The following RBM23 variants were observed in gnomAD, a reference collection of about 807,000 sequenced individuals.
RBM23 encodes the protein probable RNA-binding protein 23.
A neutral mutation model predicts 56.2 loss-of-function variants in RBM23; 53 were observed. The observed-to-expected ratio is 0.94, with a 90% confidence interval of 0.76 to 1.19. The LOEUF is 1.19. RBM23 is among the 50% of genes most tolerant of loss of function. The pLI is 0.00. For synonymous variants in RBM23, 197 were observed against 198.5 expected (o/e 0.99, Z 0.06); for missense variants, 642 against 590.3 (o/e 1.09, Z -0.91).
At chr14:22,901,909 T>G in intron 12 of RBM23, 26 bp from the exon 13 acceptor site, 1 of 1,613,918 alleles carries the variant, frequency 6.2e-7, no homozygotes, top group Non-Finnish European at 8.5e-7. Context: ...GCAGAGTGAG[T>G]GAGCAAGCAC....
At chr14:22,906,477 T>C in intron 4 of RBM23, 109 bp from the exon 5 acceptor site, 2 of 1,285,954 alleles carry the variant, frequency 1.6e-6, no homozygotes, top group South Asian at 1.4e-5. Flanking sequence ...GAAGTTCGTA[T>C]AACCTAGTGA....
intron 10 of RBM23, chr14:22,903,370 CAT>C: frequency 1.0e-6 from 1 of 985,448 alleles, no homozygotes; most frequent in Non-Finnish European, 1.2e-6. Context: ...GAAGCCTTTC[CAT>C]ATCTCAGTCA....
At position 22,897,470 on chromosome 14, in the gene RBM23, C is replaced by T. The variant is rs2040266093; in HGVS notation, c.*4260G>A. The T allele has an allele frequency of 6.6e-6, 1 of 152,120 alleles. No homozygotes were observed. Among genetic ancestry groups the T allele is most frequent in the Non-Finnish European group, 1.5e-5 (1 of 68,034 alleles). 9.4% of individuals were successfully genotyped at this position (152,120 alleles called of 1,614,324 possible). On this transcript the variant is annotated 3_prime_UTR_variant, in exon 14 of 14. Coordinates refer to ENST00000359890, the MANE Select transcript of RBM23 (RefSeq NM_001077351.2). ...GCTGGCAGGTTAGATCACTCCCATGCCTCCTAGCAAGATGCTGAGCCTACA... is the reference window on the plus strand; with the variant it reads ...GCTGGCAGGTTAGATCACTCCCATGTCTCCTAGCAAGATGCTGAGCCTACA...
Position 22,902,393 on chromosome 14 carries a change from C to G in RBM23, c.931-11G>C, listed in dbSNP as rs1476756716. 4 of 1,606,864 alleles carry G rather than the reference C, an allele frequency of 2.5e-6. No homozygotes were observed. In the East Asian group the frequency reaches 9.0e-5, roughly 36 times the overall value. ...CTCAGAATCAGAGAACTATGAGAAA[C>G]CCAGGCCATGTTAGTCACCTACTCA... is the stretch of plus-strand genomic sequence containing the variant. On this transcript the variant is annotated splice_polypyrimidine_tract_variant and intron_variant, in intron 10 of 13. Coordinates refer to ENST00000359890, the MANE Select transcript of RBM23 (RefSeq NM_001077351.2).
chr14:22,903,963 C>G (rs2041069874), intron 10 of RBM23: 1 of 1,332,840 alleles, frequency 7.5e-7, no homozygotes, highest in Admixed American at 3.1e-5. Context: ...CTCACACCCC[C>G]AACCTTTTAG....
chr14:22,895,099 A>G lies in RBM23; in HGVS notation c.*6631T>C, dbSNP rs2040226920. ...ATAAGGCCCAGTGCAGTGGCTCAGG[A>G]CTGTAATCCCAGCACTTTGGGAGGC... On this transcript the variant is annotated 3_prime_UTR_variant, in exon 14 of 14. Transcript: ENST00000359890. 1 of 150,862 alleles carries G rather than the reference A, an allele frequency of 6.6e-6. No individual in the cohort carries two copies. Among genetic ancestry groups the G allele is most frequent in the East Asian group, 2.0e-4 (1 of 5,090 alleles). The allele number at this position is 150,862 out of a possible 1,614,324, so 9.3% of individuals were successfully genotyped here. A position where few individuals can be genotyped will look rare whatever the true frequency, so the allele number is the denominator to read the frequency against.
chr14:22,901,783 A>G (rs1285436762), intron 13 of RBM23, 31 bp downstream of exon 13: 1 of 1,614,046 alleles, frequency 6.2e-7, no homozygotes, highest in Non-Finnish European at 8.5e-7. Context: ...GAATAATCAA[A>G]GGCTAGAATG....
intron 10 of RBM23, 23 bp from the exon 11 acceptor site, chr14:22,902,405 T>C (rs766325668): frequency 3.4e-5 from 55 of 1,604,214 alleles, no homozygotes; most frequent in Non-Finnish European, 4.4e-5. Context: ...CAGGCCATGT[T>C]AGTCACCTAC....
chr14:22,909,365 C>T lies in RBM23; in HGVS notation c.179+118G>A, dbSNP rs2042085878. 3 of 776,750 alleles carry T rather than the reference C, an allele frequency of 3.9e-6. No individual in the cohort carries two copies. The East Asian group carries it at 7.3e-5, about 19-fold the overall frequency. 48.1% of individuals were successfully genotyped at this position (776,750 alleles called of 1,614,324 possible). ...ATTATTCTCATGACCTAGGTGGAGC[C>T]ATTACTAACAGTCAGCAGTCTTAAC... On this transcript the variant is annotated intron_variant, in intron 3 of 13. Transcript: ENST00000359890.
Position 22,904,875 on chromosome 14 carries a change from T to C in RBM23, c.864A>G (p.Lys288=). Residue 288 remains lysine, a splice_region_variant and synonymous_variant, in exon 9 of 14, where the codon AAA becomes AAG. Transcript: ENST00000359890. ...AGAGGTTTCTCTCACTTCTACTCAC[T>C]TTACCAAAGGGCTCAAAGATGCCCC... ...MLRGIFEPFG[K]IDNIVLMKDS... The C allele has an allele frequency of 2.5e-6, 4 of 1,614,142 alleles. No individual in the cohort carries two copies. Among genetic ancestry groups the C allele is most frequent in the Non-Finnish European group, 3.4e-6 (4 of 1,180,002 alleles).
intron 1 of RBM23, among the ~76,000 whole-genome samples, chr14:22,916,842 A>G (rs542314890): frequency 2.6e-5 from 4 of 152,240 alleles, no homozygotes; most frequent in Admixed American, 6.5e-5. Flanking sequence ...AATATACACT[A>G]TGGGAAAATA....
intron 5 of RBM23, 86 bp from the exon 6 acceptor site, chr14:22,905,745 G>C (rs1478086131): frequency 2.0e-6 from 2 of 1,025,340 alleles, no homozygotes; most frequent in Non-Finnish European, 3.0e-6. Context: ...CCAGATTCCA[G>C]TACTTCATCT....
intron 2 of RBM23, among the ~76,000 whole-genome samples, chr14:22,910,407 G>A (rs1480954423): frequency 1.5e-5 from 2 of 131,680 alleles, no homozygotes; most frequent in Admixed American, 8.8e-5. Context: ...AGCTGAGAAC[G>A]CGCCACTGCA....
chr14:22,916,052 C>CA (rs2043426536), intron 1 of RBM23, among the ~76,000 whole-genome samples: 1 of 151,968 alleles, frequency 6.6e-6, no homozygotes, highest in Non-Finnish European at 1.5e-5. Flanking sequence ...CCCATTTTTA[C>CA]AAAAAATATA....
Position 22,904,285 on chromosome 14 carries a change from G to A in RBM23, c.906C>T (p.Arg302=). 6.2e-7 allele frequency: 1 copy of A among 1,613,536 alleles called. No homozygotes were observed. The highest frequency in any genetic ancestry group is 8.5e-7 in the Non-Finnish European group (1 of 1,179,532). The stretch of plus-strand genomic sequence containing the variant: ...CCGTGATGAAACCATAACCTTTAGA[G>A]CGGCCTGTATCTGAGTCCTTCATCA... The part of the protein sequence containing the change: ...IVLMKDSDTG[R]SKGYGFITFS... Residue 302 remains arginine (R), a synonymous_variant, in exon 10 of 14, where the codon CGC becomes CGT. Transcript: ENST00000359890.
intron 2 of RBM23, 77 bp downstream of exon 2, chr14:22,911,251 G>T: frequency 8.8e-7 from 1 of 1,133,228 alleles, no homozygotes; most frequent in Non-Finnish European, 1.3e-6. Flanking sequence ...TTCATAAAAT[G>T]TTGAAAGTTG....
Sources: gnomAD v4.1 joint callset for allele counts (sites outside exome capture counted in the v4.1 genomes callset) on GRCh38, gnomAD v4.1.1 for gene constraint, MANE v1.5 for transcripts, NCBI Gene and HGNC (gene_info 2026-07-23, HGNC 2026-07-21) for gene names.